Variants in ZW10 observed in about 807,000 individuals in gnomAD.
ZW10 encodes centromere/kinetochore protein zw10 homolog.
In ZW10, 53 loss-of-function variants were observed where a neutral mutation model predicts 87.8. The ratio of observed to expected loss-of-function variants is 0.60; its 90% CI spans 0.48 to 0.76. The LOEUF (loss-of-function observed/expected upper bound fraction) is 0.76. Among genes scored for constraint, ZW10 ranks in the 30% least tolerant of loss-of-function variants. The pLI is 0.00. For missense variants in ZW10, 837 were observed against 923.0 expected, an observed-to-expected ratio of 0.91 and a Z score of 1.21; for synonymous variants, 312 against 329.2, an observed-to-expected ratio of 0.95 and a Z score of 0.57.
At chr11:113,766,736 G>A (rs1389323055) in intron 2 of ZW10, among the ~76,000 whole-genome samples, 1 of 146,016 alleles carries the variant, frequency 6.8e-6, no homozygotes, top group Non-Finnish European at 1.5e-5. Context: ...AATCCATGAG[G>A]CTGGGTATAG....
At chr11:113,744,701 C>A (rs1953662439) in intron 9 of ZW10, among the ~76,000 whole-genome samples, 1 of 152,042 alleles carries the variant, frequency 6.6e-6, no homozygotes. Context: ...GGACTACAGG[C>A]ACCCACCACA....
chr11:113,766,698 A>T lies in ZW10; in HGVS notation c.240+2135T>A, dbSNP rs868538223. ...CAAAAAAAAAAAAAAAAAAAAAAAA[A>T]TTAATTTTTAAAAATTAAAAAAAAA... On this transcript the variant is annotated intron_variant, in intron 2 of 15. Coordinates refer to ENST00000200135, the MANE Select transcript of ZW10 (RefSeq NM_004724.4). Among the ~76,000 whole-genome samples, 829 of 119,504 alleles carry T rather than the reference A, an allele frequency of 6.9e-3. 10 individuals carry two copies. Among genetic ancestry groups the T allele is most frequent in the African/African-American group, 0.025 (790 of 31,692 alleles). The allele number at this position is 119,504 out of a possible 152,430, so 78.4% of individuals were successfully genotyped here.
chr11:113,773,599 C>CG lies in ZW10; in HGVS notation c.67dup (p.Arg23ProfsTer15). On this transcript the variant is annotated frameshift_variant, in exon 1 of 16. Coordinates refer to ENST00000200135, the MANE Select transcript of ZW10 (RefSeq NM_004724.4). LOFTEE classifies it high-confidence loss of function. ...CACCCGCCGGGTCAGGCGGCTGATCCGGGTCCCCAGATCCTCCTTTTCCAG... is the reference window on the plus strand; with the variant it reads ...CACCCGCCGGGTCAGGCGGCTGATCCGGGGTCCCCAGATCCTCCTTTTCCAG... The CG allele has an allele frequency of 6.2e-7, 1 of 1,613,938 alleles. No individual in the cohort carries two copies. Among genetic ancestry groups the CG allele is most frequent in the African/African-American group, 1.3e-5 (1 of 75,048 alleles).
At chr11:113,773,132 G>GT (rs1937658329) in intron 1 of ZW10, among the ~76,000 whole-genome samples, 1 of 151,888 alleles carries the variant, frequency 6.6e-6, no homozygotes, top group Admixed American at 6.6e-5. Context: ...ATCGATGGAA[G>GT]AAGGGGAAGG....
At chr11:113,754,562 G>A (rs1340066248) in intron 7 of ZW10, among the ~76,000 whole-genome samples, 1 of 151,996 alleles carries the variant, frequency 6.6e-6, no homozygotes, top group Non-Finnish European at 1.5e-5. Context: ...AAGCCTGGAT[G>A]GCAACACATC....
chr11:113,760,988 A>C, intron 2 of ZW10, 70 bp from the exon 3 acceptor site: 1 of 1,217,506 alleles, frequency 8.2e-7, no homozygotes, highest in Non-Finnish European at 1.2e-6. Context: ...TTTAAAGCAA[A>C]TCAATAAGCT....
intron 8 of ZW10, 70 bp downstream of exon 8, chr11:113,748,187 A>G (rs746718219): frequency 2.1e-6 from 3 of 1,415,836 alleles, no homozygotes; most frequent in Non-Finnish European, 2.8e-6. Flanking sequence ...ACTATCTCCA[A>G]GGAAAAACAA....
chr11:113,734,662 G>C (rs1021540636), intron 15 of ZW10, among the ~76,000 whole-genome samples: 2 of 151,990 alleles, frequency 1.3e-5, no homozygotes, highest in African/African-American at 4.8e-5. Flanking sequence ...AAAATTAGGC[G>C]GATGTGGTGA....
Position 113,743,825 on chromosome 11 carries a change from C to T in ZW10, c.1488G>A (p.Glu496=). 6.2e-7 allele frequency: 1 copy of T among 1,614,108 alleles called. No individual in the cohort carries two copies. The highest frequency in any genetic ancestry group is 8.5e-7 in the Non-Finnish European group (1 of 1,179,994). ...LMELAYQTLL[E]ATTSSDQCAV... Reference sequence around the variant, plus strand: ...ACCATTGATCACTACTGGTTGTTGCCTCTAGTAAAGTCTGATAGGCGAGTT... The same window carrying T: ...ACCATTGATCACTACTGGTTGTTGCTTCTAGTAAAGTCTGATAGGCGAGTT... Residue 496 remains glutamate, a synonymous_variant, in exon 10 of 16, where the codon GAG becomes GAA. Transcript: ENST00000200135.
chr11:113,747,489 C>T (rs1372939377), intron 9 of ZW10, 42 bp downstream of exon 9: 18 of 1,534,518 alleles, frequency 1.2e-5, no homozygotes, highest in Non-Finnish European at 1.6e-5. Context: ...GTTGCTTTCT[C>T]ATATACAATG....
At chr11:113,772,279 T>C (rs1188430093) in intron 1 of ZW10, among the ~76,000 whole-genome samples, 1 of 152,164 alleles carries the variant, frequency 6.6e-6, no homozygotes, top group Admixed American at 6.5e-5. Flanking sequence ...TCGCTTGCCA[T>C]GCTAGAGTAA....
chr11:113,771,151 T>G (rs1358485282), intron 1 of ZW10: 2 of 151,768 alleles, frequency 1.3e-5, no homozygotes, highest in African/African-American at 4.8e-5. Context: ...AATTTGTGTA[T>G]TTTTAGTAGA....
chr11:113,733,734 T>C lies in ZW10; in HGVS notation c.2300A>G (p.Asn767Ser). Residue 767 changes from asparagine (N) to serine (S), a missense_variant, in exon 16 of 16, where the codon AAC becomes AGC. By Grantham distance (46) the Asn-to-Ser change is conservative. Transcript: ENST00000200135. Reference protein sequence around the residue: ...VKALIRALFQNTERRAAALAK... With the variant: ...VKALIRALFQSTERRAAALAK... ...AAGGGCAGCTGCTCTTCTTTCTGTG[T>C]TCTGAAACAAGGCACGAATTAAAGC... 2 of 1,614,148 alleles carry C rather than the reference T, an allele frequency of 1.2e-6. No homozygotes were observed. The highest frequency in any genetic ancestry group is 1.7e-6 in the Non-Finnish European group (2 of 1,180,020).
intron 1 of ZW10, chr11:113,769,688 T>C (rs1953944345): frequency 8.5e-6 from 3 of 352,472 alleles, no homozygotes; most frequent in South Asian, 7.4e-5. Flanking sequence ...GGCTTCACGT[T>C]TGAGTTGGTG....
Position 113,747,646 on chromosome 11 carries a change from G to A in ZW10, c.1157C>T (p.Thr386Ile). Residue 386 changes from threonine (T) to isoleucine (I), a missense_variant, in exon 9 of 16, where the codon ACA becomes ATA. By Grantham distance (89) the Thr-to-Ile change is moderately conservative. Transcript: ENST00000200135. ...KEMRFLKGDT[T>I]DLLKYARNIN... ...GTTACGAGCGTATTTCAGCAAATCT[G>A]TAGTATCTCCTTTTAAAAATCTCAT... is the stretch of plus-strand genomic sequence containing the variant. 1 of 1,613,502 alleles carries A rather than the reference G, an allele frequency of 6.2e-7. No individual in the cohort carries two copies. Among genetic ancestry groups the A allele is most frequent in the Non-Finnish European group, 8.5e-7 (1 of 1,179,650 alleles).
At position 113,737,643 on chromosome 11, in the gene ZW10, A is replaced by C. The variant is rs376247843; in HGVS notation, c.1945T>G (p.Tyr649Asp). 3.3e-5 allele frequency: 53 copies of C among 1,613,582 alleles called. No individual in the cohort carries two copies. The highest frequency in any genetic ancestry group is 3.8e-5 in the Non-Finnish European group (45 of 1,179,692). ...AGTAAAGTCCCCATAGCCTTGCAAT[A>C]TATATTCACTGGCAGGACATCCTGC... ...VWQDVLPVNIYCKAMGTLLNT... is the reference protein window; with the variant it reads ...VWQDVLPVNIDCKAMGTLLNT... The change falls in exon 14 of 16, where the codon TAT becomes GAT. Residue 649 changes from tyrosine to aspartate, a missense_variant. By Grantham distance (160) the Tyr-to-Asp change is radical (BLOSUM62 -3). Coordinates refer to ENST00000200135, the MANE Select transcript of ZW10 (RefSeq NM_004724.4).
chr11:113,750,462 C>T (rs779651680), intron 7 of ZW10, among the ~76,000 whole-genome samples: 60 of 152,048 alleles, frequency 3.9e-4, no homozygotes, highest in Admixed American at 9.2e-4. Context: ...CGCCACCACG[C>T]CCAGCTAATT....
Position 113,747,555 on chromosome 11 carries a change from G to C in ZW10, c.1248C>G (p.Thr416=). The C allele has an allele frequency of 6.2e-7, 1 of 1,612,882 alleles. No homozygotes were observed. Among genetic ancestry groups the C allele is most frequent in the Non-Finnish European group, 8.5e-7 (1 of 1,179,268 alleles). The change falls in exon 9 of 16, where the codon ACC becomes ACG. Residue 416 remains threonine (T), a synonymous_variant. Coordinates refer to ENST00000200135, the MANE Select transcript of ZW10 (RefSeq NM_004724.4). ...CCTTCACAGTGTTATGAATTTCTGA[G>C]GTCATTAGATTTCTGGCTGCCACAA... ...DVIVAARNLM[T]SEIHNTVKII...
At chr11:113,752,330 T>C (rs933354252) in intron 7 of ZW10, among the ~76,000 whole-genome samples, 6 of 152,144 alleles carry the variant, frequency 3.9e-5, no homozygotes, top group Non-Finnish European at 8.8e-5. Context: ...ACGGACTGAA[T>C]TGTGCCCCTG....
Sources: gnomAD v4.1 joint callset for allele counts (sites outside exome capture counted in the v4.1 genomes callset) on GRCh38, gnomAD v4.1.1 for gene constraint, MANE v1.5 for transcripts, NCBI Gene and HGNC (gene_info 2026-07-23, HGNC 2026-07-21) for gene names.